Variants in GRIA3 observed in about 807,000 individuals in gnomAD.
GRIA3 encodes the protein glutamate ionotropic receptor AMPA type subunit 3.
In GRIA3, 3 loss-of-function variants were observed where a neutral mutation model predicts 63.0. The observed-to-expected ratio is 0.05, with a 90% CI of 0.02 to 0.12. The LOEUF is 0.12. Ranked by LOEUF, GRIA3 falls within the 10% of genes least tolerant of loss-of-function variation. The probability of loss-of-function intolerance (pLI) is 1.00; values close to 1 mark genes in which losing one functional copy is unlikely to be tolerated. For synonymous variants in GRIA3, 274 were observed against 257.9 expected (o/e 1.06, Z -0.60); for missense variants, 347 against 700.9 (o/e 0.50, Z 5.70).
chrX:123,225,891 A>G (rs1391066900), intron 2 of GRIA3, among the ~76,000 whole-genome samples: 2 of 111,340 alleles, frequency 1.8e-5, no homozygotes, highest in Admixed American at 9.5e-5. Context: ...CCTTTCACCT[A>G]TAATTCTTCT....
chrX:123,361,559 G>A (rs2045174422), intron 5 of GRIA3, among the ~76,000 whole-genome samples: 1 of 111,391 alleles, frequency 9.0e-6, no homozygotes, highest in Non-Finnish European at 1.9e-5. Context: ...TGAGGAGTGG[G>A]GACTGGGCTG....
chrX:123,203,245 T>TA (rs1927793569), intron 2 of GRIA3, among the ~76,000 whole-genome samples: 1 of 111,629 alleles, frequency 9.0e-6, no homozygotes, highest in South Asian at 3.8e-4. Flanking sequence ...ACTGAGATGC[T>TA]AAAATCTCTG....
At chrX:123,269,361 A>G (rs188528117) in intron 3 of GRIA3, among the ~76,000 whole-genome samples, 19 of 112,120 alleles carry the variant, frequency 1.7e-4, no homozygotes, top group African/African-American at 5.8e-4. Context: ...AGTTTCTGCC[A>G]CATAGTTAGC....
At chrX:123,196,121 G>A (rs1927570012) in intron 2 of GRIA3, among the ~76,000 whole-genome samples, 1 of 111,285 alleles carries the variant, frequency 9.0e-6, no homozygotes, top group Non-Finnish European at 1.9e-5. Context: ...CAAACCCCAG[G>A]CCCACAACTG....
intron 4 of GRIA3, among the ~76,000 whole-genome samples, chrX:123,338,157 G>A (rs2044985839): frequency 8.9e-6 from 1 of 112,027 alleles, no homozygotes; most frequent in African/African-American, 3.3e-5. Flanking sequence ...GTGGCAGCAG[G>A]CCCAGCCCTG....
At chrX:123,210,749 G>A (rs192457103) in intron 2 of GRIA3, among the ~76,000 whole-genome samples, 1 of 111,705 alleles carries the variant, frequency 9.0e-6, no homozygotes, top group Admixed American at 9.5e-5. Flanking sequence ...ACTTCATAAG[G>A]CTAGGCCTTT....
rs1172106699 is a variant in GRIA3 at position 123,222,378 on chromosome X, CAG to C, written c.269-30921_269-30920del. On this transcript the variant is annotated intron_variant, in intron 2 of 15. Transcript: ENST00000620443. ...TATTAGAATCCTTGTGAAATTTAAT[CAG>C]AGATTATAATGCAAAAAATATAAGA... 3.6e-5 allele frequency among the ~76,000 whole-genome samples: 4 copies of C among 112,158 alleles called. No homozygotes were observed. The East Asian group carries it at 1.1e-3, about 31-fold the overall frequency.
At chrX:123,265,951 C>G (rs1453073946) in intron 3 of GRIA3, among the ~76,000 whole-genome samples, 1 of 111,043 alleles carries the variant, frequency 9.0e-6, no homozygotes, top group East Asian at 2.9e-4. Flanking sequence ...GCTGACACAA[C>G]ACACTTCTAG....
At chrX:123,405,391 A>C (rs1287704411) in intron 10 of GRIA3, among the ~76,000 whole-genome samples, 1 of 112,054 alleles carries the variant, frequency 8.9e-6, no homozygotes, top group African/African-American at 3.2e-5. Context: ...GGTTCTTAAC[A>C]TCTATCAGTC....
At chrX:123,301,177 A>G (rs2044720677) in intron 3 of GRIA3, among the ~76,000 whole-genome samples, 1 of 111,192 alleles carries the variant, frequency 9.0e-6, no homozygotes, top group Non-Finnish European at 1.9e-5. Flanking sequence ...GTAGATATCT[A>G]TCAGGTCCGT....
chrX:123,451,505 T>TAAAAAAAAAAAAAAAA (rs56991039), intron 12 of GRIA3, among the ~76,000 whole-genome samples: 7 of 16,191 alleles, frequency 4.3e-4, no homozygotes, highest in African/African-American at 1.4e-3. Flanking sequence ...ACTCTGTCTC[T>TAAAAAAAAAAAAAAAA]AAAAAAAAAA....
chrX:123,320,011 T>G (rs1254839595), intron 3 of GRIA3, among the ~76,000 whole-genome samples: 1 of 111,656 alleles, frequency 9.0e-6, no homozygotes, highest in Non-Finnish European at 1.9e-5. Flanking sequence ...GCCATCCATT[T>G]TTCATACTTC....
chrX:123,473,416 A>G (rs1220466389), intron 13 of GRIA3, among the ~76,000 whole-genome samples: 3 of 112,009 alleles, frequency 2.7e-5, no homozygotes, highest in East Asian at 2.8e-4. Context: ...TTGCTTGATC[A>G]TCAATTGGCT....
intron 2 of GRIA3, chrX:123,204,442 A>G: frequency 8.6e-7 from 1 of 1,158,894 alleles, no homozygotes; most frequent in Non-Finnish European, 1.2e-6. Flanking sequence ...ATCACAAGTC[A>G]GCACTACCTC....
intron 10 of GRIA3, among the ~76,000 whole-genome samples, chrX:123,409,832 G>A (rs747837872): frequency 9.0e-6 from 1 of 111,511 alleles, no homozygotes; most frequent in Non-Finnish European, 1.9e-5. Flanking sequence ...CACAGGTACA[G>A]CAGTGGCAGC....
At chrX:123,228,652 A>T (rs1241078864) in intron 2 of GRIA3, among the ~76,000 whole-genome samples, 1 of 111,720 alleles carries the variant, frequency 9.0e-6, no homozygotes, top group Admixed American at 9.5e-5. Flanking sequence ...TCAAAAGCAG[A>T]TGTCTAAATC....
chrX:123,237,705 A>T, intron 2 of GRIA3, among the ~76,000 whole-genome samples: 1 of 112,630 alleles, frequency 8.9e-6, no homozygotes. Context: ...AGCACATAAA[A>T]GTTACAAGTT....
At chrX:123,253,002 G>A (rs1456762549) in intron 2 of GRIA3, among the ~76,000 whole-genome samples, 2 of 111,977 alleles carry the variant, frequency 1.8e-5, no homozygotes, top group African/African-American at 3.2e-5. Flanking sequence ...AAGTACAAGA[G>A]CACTGAATGC....
chrX:123,482,694 T>C (rs1290924529), intron 14 of GRIA3, 105 bp from the exon 15 acceptor site: 1 of 895,811 alleles, frequency 1.1e-6, no homozygotes. Flanking sequence ...CATCAATGTT[T>C]AGTTATTTTA....
Sources: allele counts gnomAD v4.1 joint callset (sites outside exome capture counted in the v4.1 genomes callset), GRCh38; gene constraint gnomAD v4.1.1; transcripts MANE v1.5; gene names NCBI Gene and HGNC (gene_info 2026-07-23, HGNC 2026-07-21).